The following LRRFIP1 variants were observed in gnomAD, a reference collection of about 807,000 sequenced individuals.
LRRFIP1 encodes LRR binding FLII interacting protein 1.
Under a neutral mutation model 104.4 loss-of-function variants are expected in LRRFIP1, and 62 were observed. The ratio of observed to expected loss-of-function variants is 0.59; its 90% CI spans 0.48 to 0.73. The LOEUF (loss-of-function observed/expected upper bound fraction) is 0.73, where lower values mean the gene tolerates loss of function less well. LRRFIP1 is among the 30% of genes least tolerant of loss of function. LRRFIP1 has a pLI of 0.00. For synonymous variants in LRRFIP1, 300 were observed against 299.0 expected (o/e 1.00, Z -0.03); for missense variants, 796 against 824.5 (o/e 0.97, Z 0.42).
chr2:237,655,171 C>T (rs1386791845), intron 1 of LRRFIP1, among the ~76,000 whole-genome samples: 2 of 57,770 alleles, frequency 3.5e-5, no homozygotes, highest in African/African-American at 7.6e-5. Flanking sequence ...AGTGCAGTGG[C>T]GGGATCTAGG....
At chr2:237,733,873 G>A (rs972708535) in intron 9 of LRRFIP1, 55 bp downstream of exon 9, 73 of 1,532,546 alleles carry the variant, frequency 4.8e-5, no homozygotes, top group Admixed American at 1.0e-4. Flanking sequence ...TGCATGCACC[G>A]CCCCCACCAA....
chr2:237,720,664 TG>T, intron 5 of LRRFIP1, 107 bp from the exon 6 acceptor site: 1 of 928,518 alleles, frequency 1.1e-6, no homozygotes, highest in South Asian at 1.3e-5. Context: ...GCCCCCTCAC[TG>T]CTGTGGGTTG....
chr2:237,657,033 G>C (rs190561905), intron 1 of LRRFIP1, among the ~76,000 whole-genome samples: 2 of 152,308 alleles, frequency 1.3e-5, no homozygotes, highest in East Asian at 1.9e-4. Flanking sequence ...ATTTTCTGAA[G>C]AAGAGCCCCC....
intron 11 of LRRFIP1, among the ~76,000 whole-genome samples, chr2:237,741,907 CT>C (rs760783316): frequency 1.2e-3 from 188 of 152,222 alleles, no homozygotes; most frequent in Non-Finnish European, 1.9e-3. Context: ...TGTGGCTTTA[CT>C]TTCAGTGAAT....
chr2:237,727,355 CAAAAA>C (rs35562237), intron 7 of LRRFIP1, among the ~76,000 whole-genome samples: 3 of 84,728 alleles, frequency 3.5e-5, no homozygotes, highest in African/African-American at 8.5e-5. Context: ...GACTCTGTCT[CAAAAA>C]AAAAAAAAAA....
At chr2:237,694,323 C>T (rs1160283173) in intron 1 of LRRFIP1, among the ~76,000 whole-genome samples, 2 of 152,192 alleles carry the variant, frequency 1.3e-5, no homozygotes, top group Non-Finnish European at 2.9e-5. Flanking sequence ...AGTTGTGAAC[C>T]TGTAGGAGCT....
chr2:237,754,557 G>A (rs1457784656), intron 15 of LRRFIP1, among the ~76,000 whole-genome samples: 1 of 150,922 alleles, frequency 6.6e-6, no homozygotes, highest in African/African-American at 2.5e-5. Context: ...AAAATGTAAT[G>A]TGTGAGTGTC....
intron 1 of LRRFIP1, among the ~76,000 whole-genome samples, chr2:237,702,667 C>A (rs2093602280): frequency 2.6e-5 from 4 of 152,156 alleles, no homozygotes; most frequent in Admixed American, 2.6e-4. Context: ...TCTTTTCTTT[C>A]TTTTTAAATT....
chr2:237,753,124 T>G (rs373131426), intron 14 of LRRFIP1, among the ~76,000 whole-genome samples, 185 bp from the exon 15 acceptor site: 2 of 152,234 alleles, frequency 1.3e-5, no homozygotes, highest in Non-Finnish European at 2.9e-5. Flanking sequence ...AATGAGAATT[T>G]GACCAAATTG....
intron 10 of LRRFIP1, among the ~76,000 whole-genome samples, chr2:237,736,881 C>T (rs1053329559): frequency 1.1e-4 from 17 of 152,218 alleles, no homozygotes; most frequent in Non-Finnish European, 1.5e-5. Context: ...CACAGTTCCC[C>T]TCCAAGTGGA....
Position 237,760,168 on chromosome 2 carries a change from G to A in LRRFIP1, c.1422G>A (p.Glu474=), listed in dbSNP as rs2059708113. 3 of 1,614,146 alleles carry A rather than the reference G, an allele frequency of 1.9e-6. No homozygotes were observed. The highest frequency in any genetic ancestry group is 2.5e-6 in the Non-Finnish European group (3 of 1,180,022). ...GTCCTACCAAGATGACAAAAGAAGA[G>A]TTAAATGCCCTCAAGTCGACAGGGG... ...YQGPTKMTKE[E]LNALKSTGDG... Residue 474 remains glutamate (E), a synonymous_variant, in exon 19 of 24, where the codon GAG becomes GAA. Coordinates refer to ENST00000308482, the MANE Select transcript of LRRFIP1 (RefSeq NM_001137550.2).
chr2:237,668,044 C>T (rs769840832), intron 1 of LRRFIP1, among the ~76,000 whole-genome samples: 1 of 152,148 alleles, frequency 6.6e-6, no homozygotes, highest in Non-Finnish European at 1.5e-5. Context: ...CTTGACACCC[C>T]CCTTTCCCCA....
chr2:237,709,501 T>C lies in LRRFIP1; in HGVS notation c.183+871T>C, dbSNP rs371944582. On this transcript the variant is annotated intron_variant, in intron 2 of 23. Transcript: ENST00000308482. ...TACACAGGTTGTTGTTTGGCTTACA[T>C]AGCCAAATTTAAAAAGGCGAGCCAG... Among the ~76,000 whole-genome samples the C allele has an allele frequency of 3.3e-4, 51 of 152,332 alleles. 1 individual carries two copies. The East Asian group carries it at 8.5e-3, about 25-fold the overall frequency.
At chr2:237,775,296 C>T (rs934035380) in intron 23 of LRRFIP1, among the ~76,000 whole-genome samples, 8 of 152,184 alleles carry the variant, frequency 5.3e-5, no homozygotes, top group East Asian at 1.9e-4. Flanking sequence ...AAGCCTTCCG[C>T]GCAAAGGATC....
At chr2:237,684,897 G>T (rs1161681980) in intron 1 of LRRFIP1, among the ~76,000 whole-genome samples, 1 of 150,316 alleles carries the variant, frequency 6.7e-6, no homozygotes, top group East Asian at 2.0e-4. Flanking sequence ...GATCACCCTG[G>T]GCAACATGCT....
In LRRFIP1 at chr2:237,734,946, C is replaced by T. The variant is rs1356208621; in HGVS notation, c.490-322C>T. On this transcript the variant is annotated intron_variant, in intron 9 of 23. Coordinates refer to ENST00000308482, the MANE Select transcript of LRRFIP1 (RefSeq NM_001137550.2). ...ATGCCATGACAAAATTCAGGATGTT[C>T]GAATTATCTGCTCATTTTAACCTGG... Among the ~76,000 whole-genome samples the T allele has an allele frequency of 2.6e-5, 4 of 152,148 alleles. No individual in the cohort carries two copies. In the East Asian group the frequency reaches 7.7e-4, roughly 29 times the overall value.
chr2:237,743,708 C>T (rs950387790), intron 11 of LRRFIP1, among the ~76,000 whole-genome samples: 1 of 152,202 alleles, frequency 6.6e-6, no homozygotes, highest in Admixed American at 6.5e-5. Flanking sequence ...CAGACAGGGG[C>T]AGACGGATGC....
At chr2:237,728,022 T>G (rs1215049503) in intron 8 of LRRFIP1, 87 bp downstream of exon 8, 4 of 962,364 alleles carry the variant, frequency 4.2e-6, no homozygotes, top group Non-Finnish European at 4.8e-6. Context: ...AAATTTAAAT[T>G]TAGCTTCTTT....
At chr2:237,714,162 A>AT (rs1301757091) in intron 2 of LRRFIP1, 97 bp from the exon 3 acceptor site, 36 of 757,348 alleles carry the variant, frequency 4.8e-5, no homozygotes, top group Non-Finnish European at 1.5e-5. Context: ...TTGTGACTTG[A>AT]TTCATATGTC....
Sources: allele counts gnomAD v4.1 joint callset (sites outside exome capture counted in the v4.1 genomes callset), GRCh38; gene constraint gnomAD v4.1.1; transcripts MANE v1.5; gene names NCBI Gene and HGNC (gene_info 2026-07-23, HGNC 2026-07-21).